Variants in PCDH15 observed in about 807,000 individuals in gnomAD.
The protein encoded by PCDH15 is protocadherin related 15.
PCDH15 carries 129 observed loss-of-function variants against 178.5 expected under a neutral mutation model. The observed-to-expected ratio is 0.72, with a 90% confidence interval of 0.63 to 0.84. The LOEUF (loss-of-function observed/expected upper bound fraction) is 0.84, where lower values mean the gene tolerates loss of function less well. Among genes scored for constraint, PCDH15 ranks in the 40% least tolerant of loss-of-function variants. The pLI, the probability that PCDH15 is intolerant of heterozygous loss-of-function variation, is 0.00. For missense variants in PCDH15, 2,230 were observed against 2,099.9 expected (o/e 1.06, Z -1.21); for synonymous variants, 800 against 732.0 (o/e 1.09, Z -1.50).
intron 1 of PCDH15, among the ~76,000 whole-genome samples, chr10:55,228,300 T>G (rs531418450): frequency 6.6e-6 from 1 of 152,134 alleles, no homozygotes; most frequent in East Asian, 1.9e-4. Flanking sequence ...ATACGTCAAG[T>G]GTTATTTTTA....
intron 24 of PCDH15, 40 bp from the exon 25 acceptor site, chr10:53,938,995 GC>G (rs766859653): frequency 6.3e-7 from 1 of 1,585,618 alleles, no homozygotes; most frequent in East Asian, 2.2e-5. Flanking sequence ...TTGTCTTTAC[GC>G]TATAAGGAAA....
At chr10:55,530,070 ATC>A (rs1311206131) in intron 2 of PCDH15, among the ~76,000 whole-genome samples, 1 of 151,648 alleles carries the variant, frequency 6.6e-6, no homozygotes, top group Non-Finnish European at 1.5e-5. Flanking sequence ...ATTACTTTTC[ATC>A]TCTTTCAATC....
chr10:54,556,625 A>T, intron 2 of PCDH15, among the ~76,000 whole-genome samples: 2 of 136,634 alleles, frequency 1.5e-5, no homozygotes, highest in African/African-American at 5.3e-5. Flanking sequence ...ATTTTAAGAG[A>T]CTTTTTTTTT....
rs1286149529 is a variant in PCDH15 at position 55,441,758 on chromosome 10, C to T, written c.-156+185867G>A. Among the ~76,000 whole-genome samples, 4 of 152,110 alleles carry T rather than the reference C, an allele frequency of 2.6e-5. No homozygotes were observed. In the East Asian group the frequency reaches 7.7e-4, roughly 29 times the overall value. ...TATATGACAATCTCCTAACTCTGAT[C>T]TTATTGATCTTGTTTGGAAAAAGGA... On this transcript the variant is annotated intron_variant, in intron 2 of 5. Coordinates refer to the PCDH15 transcript ENST00000613346.
chr10:55,342,906 G>A (rs1844643461), intron 2 of PCDH15, among the ~76,000 whole-genome samples: 1 of 152,118 alleles, frequency 6.6e-6, no homozygotes, highest in Admixed American at 6.6e-5. Flanking sequence ...TAAGGGCTGT[G>A]AGCTGTTTCT....
intron 2 of PCDH15, among the ~76,000 whole-genome samples, chr10:55,095,309 C>T (rs943914855): frequency 6.6e-6 from 1 of 151,682 alleles, no homozygotes; most frequent in Non-Finnish European, 1.5e-5. Flanking sequence ...TTTAAACATA[C>T]TTATCTTAAA....
chr10:55,084,261 A>G (rs984216236), intron 2 of PCDH15, among the ~76,000 whole-genome samples: 1 of 151,742 alleles, frequency 6.6e-6, no homozygotes, highest in African/African-American at 2.4e-5. Flanking sequence ...ACCAAATAGA[A>G]GACACAGAAA....
intron 13 of PCDH15, among the ~76,000 whole-genome samples, chr10:54,177,748 T>C (rs903851982): frequency 2.0e-5 from 3 of 152,124 alleles, no homozygotes; most frequent in African/African-American, 7.2e-5. Context: ...AACCTAAAGA[T>C]TAATGGTGTG....
chr10:55,573,126 T>A (rs1011209255), intron 2 of PCDH15, among the ~76,000 whole-genome samples: 5 of 152,142 alleles, frequency 3.3e-5, no homozygotes, highest in African/African-American at 4.8e-5. Context: ...TTTGAAAGCA[T>A]TAGTTTGCAG....
At chr10:55,362,339 A>G (rs1357889465) in intron 2 of PCDH15, among the ~76,000 whole-genome samples, 1 of 152,164 alleles carries the variant, frequency 6.6e-6, no homozygotes, top group African/African-American at 2.4e-5. Flanking sequence ...ATACCATGCC[A>G]GGCTAGATTC....
chr10:55,308,565 C>T (rs1003405764), intron 1 of PCDH15, among the ~76,000 whole-genome samples: 3 of 152,122 alleles, frequency 2.0e-5, no homozygotes, highest in African/African-American at 7.2e-5. Context: ...GAGCATTGAA[C>T]TCTGAAAGCA....
At chr10:54,961,449 G>GC (rs888827986) in intron 2 of PCDH15, among the ~76,000 whole-genome samples, 8 of 152,240 alleles carry the variant, frequency 5.3e-5, no homozygotes, top group Non-Finnish European at 1.2e-4. Flanking sequence ...TTTCAGTGAA[G>GC]CCCCACCTTC....
chr10:55,127,460 A>G (rs963315916), intron 2 of PCDH15, among the ~76,000 whole-genome samples: 3 of 152,068 alleles, frequency 2.0e-5, no homozygotes, highest in African/African-American at 7.2e-5. Flanking sequence ...CCACATATCT[A>G]TAGAATGGAC....
At chr10:54,444,306 C>T (rs1339713093) in intron 3 of PCDH15, among the ~76,000 whole-genome samples, 1 of 151,682 alleles carries the variant, frequency 6.6e-6, no homozygotes, top group African/African-American at 2.4e-5. Flanking sequence ...CGGGGAGGAG[C>T]ATCATTCACA....
intron 1 of PCDH15, among the ~76,000 whole-genome samples, chr10:54,795,731 A>G (rs995286921): frequency 2.0e-5 from 3 of 151,894 alleles, no homozygotes; most frequent in African/African-American, 4.8e-5. Context: ...TGATGCAACT[A>G]TAGCTTATCA....
chr10:53,811,901 C>T (rs1265093467), intron 35 of PCDH15, among the ~76,000 whole-genome samples: 1 of 152,112 alleles, frequency 6.6e-6, no homozygotes, highest in African/African-American at 2.4e-5. Context: ...CCTGTTAAAA[C>T]TTGCAGATGA....
intron 2 of PCDH15, among the ~76,000 whole-genome samples, chr10:55,332,812 C>T (rs971880299): frequency 7.2e-5 from 11 of 152,168 alleles, no homozygotes; most frequent in Non-Finnish European, 1.0e-4. Context: ...ACACGCCTTT[C>T]GCCTTCTGCC....
chr10:55,624,562 T>C lies in PCDH15; in HGVS notation c.-156+3063A>G, dbSNP rs80325329. Among the ~76,000 whole-genome samples the C allele has an allele frequency of 5.5e-3, 841 of 152,266 alleles. 33 individuals are homozygous for C. Among genetic ancestry groups the C allele is most frequent in the Admixed American group, 0.047 (715 of 15,296 alleles). ...ATTGATATGTGATGCTGCACTGTTA[T>C]TGGGCAAACTTTTTAATTAATAGAA... On this transcript the variant is annotated intron_variant, in intron 2 of 5. Coordinates refer to the PCDH15 transcript ENST00000613346.
intron 14 of PCDH15, among the ~76,000 whole-genome samples, chr10:54,146,391 G>C (rs1429721050): frequency 1.3e-5 from 2 of 151,882 alleles, no homozygotes; most frequent in Non-Finnish European, 2.9e-5. Flanking sequence ...TATTTGGGGA[G>C]AGAGAGTGTC....
Sources: gnomAD v4.1 joint callset for allele counts (sites outside exome capture counted in the v4.1 genomes callset) on GRCh38, gnomAD v4.1.1 for gene constraint, MANE v1.5 for transcripts, NCBI Gene and HGNC (gene_info 2026-07-23, HGNC 2026-07-21) for gene names.